Variants in TMEM108 observed in about 807,000 individuals in gnomAD.
The protein encoded by TMEM108 is cancer/testis antigen 124.
TMEM108 carries 12 observed loss-of-function variants against 35.1 expected under a neutral mutation model. That is an observed-to-expected ratio of 0.34 (90% CI 0.22 to 0.55). TMEM108 has a LOEUF of 0.55. Among genes scored for constraint, TMEM108 ranks in the 20% least tolerant of loss-of-function variants. The pLI, the probability that TMEM108 is intolerant of heterozygous loss-of-function variation, is 0.89. For synonymous variants in TMEM108, 287 were observed against 308.6 expected, an observed-to-expected ratio of 0.93 and a Z score of 0.73; for missense variants, 680 against 753.3, an observed-to-expected ratio of 0.90 and a Z score of 1.14.
chr3:133,048,330 A>T (rs1017506183), intron 2 of TMEM108, among the ~76,000 whole-genome samples: 4 of 152,262 alleles, frequency 2.6e-5, no homozygotes, highest in African/African-American at 9.6e-5. Context: ...ATCAGTGTTT[A>T]TTCTAGAAAC....
chr3:133,383,843 A>T (rs1197305), intron 4 of TMEM108, among the ~76,000 whole-genome samples: 53,693 of 151,760 alleles, frequency 0.35, 10,068 homozygotes, highest in East Asian at 0.42. Flanking sequence ...CGCACACCCC[A>T]CTCCCTTTGA....
chr3:133,126,984 G>A (rs1295313553), intron 2 of TMEM108, among the ~76,000 whole-genome samples: 3 of 152,150 alleles, frequency 2.0e-5, no homozygotes, highest in Non-Finnish European at 2.9e-5. Flanking sequence ...AGGGCTGACT[G>A]TAATTAATAT....
At chr3:133,094,329 T>A (rs1449485602) in intron 2 of TMEM108, among the ~76,000 whole-genome samples, 1 of 150,416 alleles carries the variant, frequency 6.6e-6, no homozygotes, top group Admixed American at 6.7e-5. Flanking sequence ...GCTACTCAAC[T>A]GTAGTTTCAG....
intron 4 of TMEM108, chr3:133,387,642 T>C (rs1188030574): frequency 2.6e-6 from 2 of 762,768 alleles, no homozygotes; most frequent in African/African-American, 3.8e-5. Context: ...CCCCACCTTC[T>C]AGAATAAGAA....
intron 2 of TMEM108, among the ~76,000 whole-genome samples, chr3:133,191,161 G>C (rs1945492147): frequency 6.6e-6 from 1 of 152,030 alleles, no homozygotes; most frequent in Admixed American, 6.6e-5. Flanking sequence ...GATTGGGGTG[G>C]GAGGATCTAT....
chr3:133,085,714 C>T (rs1425157657), intron 2 of TMEM108, among the ~76,000 whole-genome samples: 1 of 152,032 alleles, frequency 6.6e-6, no homozygotes, highest in African/African-American at 2.4e-5. Flanking sequence ...ATTAAGGTGT[C>T]ATGTTGTACT....
intron 3 of TMEM108, among the ~76,000 whole-genome samples, chr3:133,369,335 G>A (rs2072590693): frequency 6.6e-6 from 1 of 152,172 alleles, no homozygotes; most frequent in South Asian, 2.1e-4. Context: ...AAGGGAGTAT[G>A]GGCAGAAATT....
chr3:133,135,831 C>G (rs1057405465), intron 2 of TMEM108, among the ~76,000 whole-genome samples: 1 of 152,178 alleles, frequency 6.6e-6, no homozygotes, highest in African/African-American at 2.4e-5. Context: ...AGCTTGAAAG[C>G]ACAGGAAGGA....
chr3:133,091,273 T>C (rs1017963835), intron 2 of TMEM108, among the ~76,000 whole-genome samples: 2 of 152,212 alleles, frequency 1.3e-5, no homozygotes, highest in Non-Finnish European at 2.9e-5. Context: ...GCTTTTTCTG[T>C]ACTCTAGATC....
chr3:133,219,663 T>C (rs111863209), intron 2 of TMEM108, among the ~76,000 whole-genome samples: 4,359 of 152,244 alleles, frequency 0.029, 187 homozygotes, highest in African/African-American at 0.093. Flanking sequence ...CCTCCTGTTA[T>C]TGACTTTTAG....
chr3:133,311,069 G>A (rs149343694), intron 3 of TMEM108, among the ~76,000 whole-genome samples: 1 of 152,226 alleles, frequency 6.6e-6, no homozygotes, highest in Non-Finnish European at 1.5e-5. Flanking sequence ...CTTCTGGCTT[G>A]TAGGGCTTCT....
chr3:133,175,673 C>T (rs1945207758), intron 2 of TMEM108, among the ~76,000 whole-genome samples: 1 of 152,182 alleles, frequency 6.6e-6, no homozygotes, highest in South Asian at 2.1e-4. Context: ...CTGAAGGAAG[C>T]ACTAAACATG....
At chr3:133,217,056 A>T (rs1048212709) in intron 2 of TMEM108, among the ~76,000 whole-genome samples, 1 of 152,116 alleles carries the variant, frequency 6.6e-6, no homozygotes, top group Non-Finnish European at 1.5e-5. Flanking sequence ...AACAGTGTGC[A>T]AGAGTTCCCT....
Position 133,395,865 on chromosome 3 carries a change from A to C in TMEM108, c.1607A>C (p.Asp536Ala), listed in dbSNP as rs1576550069. 6.3e-7 allele frequency: 1 copy of C among 1,582,704 alleles called. No individual in the cohort carries two copies. Among genetic ancestry groups the C allele is most frequent in the Non-Finnish European group, 8.6e-7 (1 of 1,165,394 alleles). ...REIQSLETSE[D>A]QLSEPRSPAN... ...CATCTCCTCCCTCTCTCTTCCCAGG[A>C]CCAGCTCTCAGAGCCCCGCTCCCCA... Residue 536 changes from aspartate (D) to alanine (A), a missense_variant and splice_region_variant, in exon 6 of 6, where the codon GAC becomes GCC. Around this residue, in one of 3 missense-constraint regions of TMEM108, gnomAD observed 105 missense variants for 150.7 expected, o/e 0.70. Transcript: ENST00000321871.
At chr3:133,104,794 T>C (rs1247726518) in intron 2 of TMEM108, among the ~76,000 whole-genome samples, 1 of 152,192 alleles carries the variant, frequency 6.6e-6, no homozygotes, top group African/African-American at 2.4e-5. Flanking sequence ...ACGGCCTCCA[T>C]TCATTTCCTT....
intron 2 of TMEM108, among the ~76,000 whole-genome samples, chr3:133,188,167 A>G (rs557171687): frequency 7.2e-5 from 11 of 152,330 alleles, no homozygotes; most frequent in African/African-American, 2.4e-4. Context: ...CAATAAGCCA[A>G]GCAGCTCTGA....
intron 2 of TMEM108, among the ~76,000 whole-genome samples, chr3:133,205,542 T>G (rs1945740507): frequency 6.6e-6 from 1 of 152,202 alleles, no homozygotes. Flanking sequence ...GTAAAGGATT[T>G]TATTTCTCCT....
chr3:133,091,476 C>T (rs561740398), intron 2 of TMEM108, among the ~76,000 whole-genome samples: 34 of 152,274 alleles, frequency 2.2e-4, no homozygotes, highest in South Asian at 2.1e-3. Context: ...TATTCTTCCC[C>T]TGACATTTAT....
chr3:133,128,798 G>A (rs745481845), intron 2 of TMEM108, among the ~76,000 whole-genome samples: 10 of 152,260 alleles, frequency 6.6e-5, no homozygotes, highest in African/African-American at 9.6e-5. Flanking sequence ...CTGGTTCTCC[G>A]TCATGCTCTG....
Sources: allele counts gnomAD v4.1 joint callset (sites outside exome capture counted in the v4.1 genomes callset), GRCh38; gene constraint gnomAD v4.1.1; regional missense constraint gnomAD v4.1.1; transcripts MANE v1.5; gene names NCBI Gene and HGNC (gene_info 2026-07-23, HGNC 2026-07-21).